The following MAP3K14 variants were observed in gnomAD, a reference collection of about 807,000 sequenced individuals.
MAP3K14 encodes mitogen-activated protein kinase kinase kinase 14, also known as NF-kappa-beta-inducing kinase.
In MAP3K14, 16 loss-of-function variants were observed where a neutral mutation model predicts 99.2. The observed-to-expected ratio is 0.16, with a 90% CI of 0.11 to 0.24. The LOEUF is 0.24. Among genes scored for constraint, MAP3K14 ranks in the 10% least tolerant of loss-of-function variants. The pLI is 1.00. For missense variants in MAP3K14, 784 were observed against 1,208.7 expected (o/e 0.65, Z 5.21); for synonymous variants, 462 against 492.4 (o/e 0.94, Z 0.82).
At chr17:45,291,433 C>T (rs1343173259) in intron 1 of MAP3K14, among the ~76,000 whole-genome samples, 2 of 152,134 alleles carry the variant, frequency 1.3e-5, no homozygotes, top group Non-Finnish European at 2.9e-5. Context: ...CCTCTAATGT[C>T]CAAACTCATT....
intron 1 of MAP3K14, among the ~76,000 whole-genome samples, chr17:45,306,299 T>C (rs1224298307): frequency 6.6e-6 from 1 of 150,772 alleles, no homozygotes; most frequent in African/African-American, 2.5e-5. Flanking sequence ...CTCTTAACCA[T>C]GACACTCTTC....
At chr17:45,284,689 C>T in intron 6 of MAP3K14, 123 bp downstream of exon 6, 3 of 1,318,838 alleles carry the variant, frequency 2.3e-6, no homozygotes, top group Non-Finnish European at 1.0e-6. Context: ...TAGTGATAGC[C>T]AAGTTCTGTT....
intron 1 of MAP3K14, among the ~76,000 whole-genome samples, chr17:45,298,998 G>A (rs1441118515): frequency 6.6e-6 from 1 of 152,198 alleles, no homozygotes; most frequent in Admixed American, 6.5e-5. Flanking sequence ...CTGGGTAGAG[G>A]GGATGGCAAA....
rs1339019331 is a variant in MAP3K14 at position 45,264,059 on chromosome 17, T to C, written c.*577A>G. 1 of 152,412 alleles carries C rather than the reference T, an allele frequency of 6.6e-6. No individual in the cohort carries two copies. The highest frequency in any genetic ancestry group is 1.9e-4 in the East Asian group (1 of 5,198). 9.4% of individuals were successfully genotyped at this position (152,412 alleles called of 1,614,324 possible). The stretch of plus-strand genomic sequence containing the variant: ...GTGTGGTGTATTCTACCAGGGAGCC[T>C]TCCCAGGGTCAGGCATTCTTTTCCC... On this transcript the variant is annotated 3_prime_UTR_variant, in exon 16 of 16. Transcript: ENST00000344686.
intron 2 of MAP3K14, among the ~76,000 whole-genome samples, chr17:45,289,703 T>C (rs1304828859): frequency 1.3e-5 from 2 of 152,242 alleles, no homozygotes; most frequent in African/African-American, 4.8e-5. Flanking sequence ...ATGTGTATTT[T>C]TTTAAAACAA....
At chr17:45,303,283 A>C (rs544107767) in intron 1 of MAP3K14, among the ~76,000 whole-genome samples, 79 of 152,308 alleles carry the variant, frequency 5.2e-4, no homozygotes, top group African/African-American at 1.4e-3. Flanking sequence ...TTTTCAGGCC[A>C]GGTGCAGTGG....
intron 6 of MAP3K14, among the ~76,000 whole-genome samples, chr17:45,278,222 A>C (rs985592189): frequency 2.0e-5 from 3 of 152,176 alleles, no homozygotes; most frequent in African/African-American, 7.2e-5. Context: ...CATGCTAAAA[A>C]TATTTCCAAC....
intron 6 of MAP3K14, among the ~76,000 whole-genome samples, chr17:45,278,725 C>T (rs948012617): frequency 1.3e-5 from 2 of 150,672 alleles, no homozygotes; most frequent in Non-Finnish European, 2.9e-5. Context: ...GTTGGCCAGG[C>T]TGGAGTGCAG....
At chr17:45,308,726 GGTGC>G (rs2044448831) in intron 1 of MAP3K14, among the ~76,000 whole-genome samples, 1 of 151,048 alleles carries the variant, frequency 6.6e-6, no homozygotes, top group Non-Finnish European at 1.5e-5. Context: ...GGGGTGCAGT[GGTGC>G]GATCATGGCT....
intron 8 of MAP3K14, 196 bp downstream of exon 8, chr17:45,273,927 C>T (rs2044159600): frequency 8.3e-6 from 6 of 723,790 alleles, no homozygotes; most frequent in African/African-American, 1.8e-5. Flanking sequence ...CTGTGGCCAC[C>T]GTCTACCAGA....
chr17:45,309,894 ACT>A (rs1176508033), intron 1 of MAP3K14, among the ~76,000 whole-genome samples: 4 of 151,686 alleles, frequency 2.6e-5, no homozygotes, highest in African/African-American at 7.3e-5. Context: ...GTGGTGCAGG[ACT>A]CTGTCCTTCA....
chr17:45,263,724 TGG>T lies in MAP3K14; in HGVS notation c.*910_*911del, dbSNP rs2044040342. ...GAACCAGCACGCTGGACACTGATAG[TGG>T]GGCTGGGGCGCCGGAGCGTCTCTCT... On this transcript the variant is annotated 3_prime_UTR_variant, in exon 16 of 16. Transcript: ENST00000344686. The T allele has an allele frequency of 1.3e-5, 2 of 152,586 alleles. No homozygotes were observed. Among genetic ancestry groups the T allele is most frequent in the Non-Finnish European group, 2.9e-5 (2 of 68,142 alleles). The allele number at this position is 152,586 out of a possible 1,614,324, so 9.5% of individuals were successfully genotyped here.
intron 11 of MAP3K14, chr17:45,268,118 G>A: frequency 8.5e-6 from 2 of 235,256 alleles, no homozygotes; most frequent in Non-Finnish European, 1.6e-5. Flanking sequence ...GAGCTCCCAG[G>A]CAAAGTGGCA....
intron 5 of MAP3K14, 131 bp from the exon 6 acceptor site, chr17:45,285,080 G>A: frequency 1.0e-6 from 1 of 978,430 alleles, no homozygotes; most frequent in Non-Finnish European, 1.5e-6. Flanking sequence ...CAACCAGGCA[G>A]CCCTGGGGCG....
chr17:45,285,734 T>C (rs534832645), intron 5 of MAP3K14, among the ~76,000 whole-genome samples: 37 of 152,034 alleles, frequency 2.4e-4, no homozygotes, highest in African/African-American at 8.7e-4. Flanking sequence ...TGTGTGAGGA[T>C]TGCTTTAGCC....
intron 1 of MAP3K14, among the ~76,000 whole-genome samples, chr17:45,295,701 A>G (rs1567998287): frequency 1.3e-5 from 2 of 152,222 alleles, no homozygotes; most frequent in Non-Finnish European, 2.9e-5. Flanking sequence ...ACCTTGAGCT[A>G]GCCACTTCTT....
intron 1 of MAP3K14, among the ~76,000 whole-genome samples, chr17:45,298,876 A>C (rs1216032439): frequency 6.6e-6 from 1 of 152,232 alleles, no homozygotes; most frequent in Admixed American, 6.5e-5. Context: ...AGATAGACAC[A>C]CAGCAGATGT....
Position 45,287,382 on chromosome 17 carries a change from G to T in MAP3K14, c.327-18C>A, listed in dbSNP as rs1475070684. On this transcript the variant is annotated intron_variant, in intron 3 of 15. Transcript: ENST00000344686. ...CGGACTGGCTGTCACAAAAGGGACA[G>T]ATTTGCATATTGAGCACGAGGAAGC... 1.2e-6 allele frequency: 2 copies of T among 1,608,614 alleles called. No homozygotes were observed. Among genetic ancestry groups the T allele is most frequent in the East Asian group, 2.2e-5 (1 of 44,858 alleles).
chr17:45,273,591 C>T lies in MAP3K14; in HGVS notation c.1569G>A (p.Leu523=), dbSNP rs775948347. ...HGDVKADNVL[L]SSDGSHAALC... is the part of the protein sequence containing the mutation. The stretch of plus-strand genomic sequence containing the variant: ...GGGCTGCGTGGCTCCCATCGCTGGA[C>T]AGGAGCACGTTGTCAGCTGCCAGGC... The change falls in exon 9 of 16, where the codon CTG becomes CTA. Residue 523 remains leucine, a synonymous_variant. Coordinates refer to ENST00000344686, the MANE Select transcript of MAP3K14 (RefSeq NM_003954.5). 6.2e-6 allele frequency: 10 copies of T among 1,612,946 alleles called. No individual in the cohort carries two copies. In the Middle Eastern group the frequency reaches 1.7e-3, roughly 266 times the overall value.
Sources: allele counts gnomAD v4.1 joint callset (sites outside exome capture counted in the v4.1 genomes callset), GRCh38; gene constraint gnomAD v4.1.1; transcripts MANE v1.5; gene names NCBI Gene and HGNC (gene_info 2026-07-23, HGNC 2026-07-21).